The following SEZ6L variants were observed in gnomAD, a reference collection of about 807,000 sequenced individuals.
SEZ6L encodes seizure related 6 homolog like.
In SEZ6L, 37 loss-of-function variants were observed where a neutral mutation model predicts 106.2. That is an observed-to-expected ratio of 0.35 (90% CI 0.27 to 0.46). SEZ6L has a LOEUF of 0.46. SEZ6L is among the 20% of genes least tolerant of loss of function. SEZ6L has a pLI of 1.00. For synonymous variants in SEZ6L, 541 were observed against 570.4 expected, an observed-to-expected ratio of 0.95 and a Z score of 0.73; for missense variants, 1,172 against 1,332.8, an observed-to-expected ratio of 0.88 and a Z score of 1.88.
chr22:26,321,377 C>T (rs1007467766), intron 9 of SEZ6L, among the ~76,000 whole-genome samples: 7 of 152,208 alleles, frequency 4.6e-5, no homozygotes, highest in African/African-American at 1.2e-4. Flanking sequence ...GCGGTGAATG[C>T]GACTCAGCAG....
intron 1 of SEZ6L, chr22:26,253,962 T>G (rs2079710538): frequency 6.6e-6 from 1 of 152,204 alleles, no homozygotes; most frequent in African/African-American, 2.4e-5. Flanking sequence ...AATACTTAAT[T>G]AAATAACTCA....
chr22:26,301,598 G>A (rs932095557), intron 5 of SEZ6L, among the ~76,000 whole-genome samples: 1 of 152,220 alleles, frequency 6.6e-6, no homozygotes, highest in African/African-American at 2.4e-5. Flanking sequence ...TGCAGAAAAG[G>A]TATACAGGAA....
chr22:26,211,915 A>T (rs1009744770), intron 1 of SEZ6L, among the ~76,000 whole-genome samples: 4 of 152,024 alleles, frequency 2.6e-5, no homozygotes, highest in African/African-American at 9.7e-5. Context: ...GACAAAATTC[A>T]TGCCCACCCA....
At chr22:26,179,758 G>A (rs559779960) in intron 1 of SEZ6L, among the ~76,000 whole-genome samples, 2 of 152,242 alleles carry the variant, frequency 1.3e-5, no homozygotes, top group South Asian at 2.1e-4. Flanking sequence ...CCACGCATCT[G>A]TTCATTCTGG....
At chr22:26,183,577 T>A (rs567151653) in intron 1 of SEZ6L, among the ~76,000 whole-genome samples, 58 of 152,304 alleles carry the variant, frequency 3.8e-4, no homozygotes, top group African/African-American at 1.4e-3. Flanking sequence ...GTGAAATAAA[T>A]GTGTCACTTT....
At chr22:26,354,093 C>T (rs1186070819) in intron 12 of SEZ6L, among the ~76,000 whole-genome samples, 2 of 148,674 alleles carry the variant, frequency 1.3e-5, no homozygotes, top group Non-Finnish European at 3.0e-5. Context: ...TTGGACGTAG[C>T]GTCTTTGACA....
chr22:26,243,816 A>G (rs1393327263), intron 1 of SEZ6L, among the ~76,000 whole-genome samples: 1 of 152,154 alleles, frequency 6.6e-6, no homozygotes, highest in Non-Finnish European at 1.5e-5. Context: ...TTAAGCCCCC[A>G]GAGAAGAAAA....
intron 1 of SEZ6L, among the ~76,000 whole-genome samples, chr22:26,219,336 A>AC (rs1420180173): frequency 2.0e-5 from 3 of 151,904 alleles, no homozygotes; most frequent in Non-Finnish European, 2.9e-5. Flanking sequence ...ACAAAAATGA[A>AC]CAAGATTGGA....
At chr22:26,281,069 G>A (rs984479546) in intron 1 of SEZ6L, among the ~76,000 whole-genome samples, 4 of 152,134 alleles carry the variant, frequency 2.6e-5, no homozygotes, top group Admixed American at 2.6e-4. Context: ...AATCCCCAGG[G>A]TGACAGTATT....
At chr22:26,177,342 AC>A (rs2123768022) in intron 1 of SEZ6L, among the ~76,000 whole-genome samples, 1 of 152,370 alleles carries the variant, frequency 6.6e-6, no homozygotes, top group South Asian at 2.1e-4. Context: ...GGAGAGAAAT[AC>A]ACTTTGTAAA....
chr22:26,205,721 C>T (rs2145688119), intron 1 of SEZ6L, among the ~76,000 whole-genome samples: 1 of 152,274 alleles, frequency 6.6e-6, no homozygotes, highest in Admixed American at 6.5e-5. Flanking sequence ...ACTGCTCTAA[C>T]TAAATTTCTT....
chr22:26,263,425 A>G (rs2080081378), intron 1 of SEZ6L, among the ~76,000 whole-genome samples: 1 of 152,186 alleles, frequency 6.6e-6, no homozygotes, highest in Admixed American at 6.5e-5. Context: ...AGACATCAAG[A>G]CTCAGATAAG....
intron 1 of SEZ6L, among the ~76,000 whole-genome samples, chr22:26,246,495 C>T (rs1191078580): frequency 2.6e-5 from 4 of 151,904 alleles, no homozygotes; most frequent in African/African-American, 4.8e-5. Context: ...CTCTCATATT[C>T]GTCTCAGTGG....
At chr22:26,351,357 T>G (rs2083272353) in intron 12 of SEZ6L, 114 bp downstream of exon 12, 1 of 811,186 alleles carries the variant, frequency 1.2e-6, no homozygotes, top group South Asian at 1.8e-5. Context: ...ACAGGGGCTT[T>G]TATTATCATT....
chr22:26,204,178 A>G (rs1941157559), intron 1 of SEZ6L, among the ~76,000 whole-genome samples: 1 of 152,216 alleles, frequency 6.6e-6, no homozygotes, highest in African/African-American at 2.4e-5. Flanking sequence ...ATAGTTCTTG[A>G]GTATCTACAA....
chr22:26,310,884 C>T (rs1290767624), intron 7 of SEZ6L, 48 bp downstream of exon 7: 1 of 1,582,698 alleles, frequency 6.3e-7, no homozygotes, highest in East Asian at 2.2e-5. Context: ...CTGGGGGTAG[C>T]CTGGGAGCAG....
intron 1 of SEZ6L, among the ~76,000 whole-genome samples, chr22:26,270,450 G>A (rs2080326203): frequency 7.2e-6 from 1 of 139,766 alleles, no homozygotes; most frequent in African/African-American, 2.6e-5. Context: ...TGTTGGTGCT[G>A]ACAATTGTGA....
intron 12 of SEZ6L, among the ~76,000 whole-genome samples, chr22:26,358,004 G>A (rs2083493105): frequency 6.6e-6 from 1 of 152,186 alleles, no homozygotes; most frequent in South Asian, 2.1e-4. Context: ...CAGAACACCT[G>A]GGATACGAGA....
At chr22:26,228,491 T>C (rs748128005) in intron 1 of SEZ6L, among the ~76,000 whole-genome samples, 1 of 152,168 alleles carries the variant, frequency 6.6e-6, no homozygotes, top group Non-Finnish European at 1.5e-5. Context: ...TACACCAGCA[T>C]GGTGCTGGGC....
Sources: allele counts gnomAD v4.1 joint callset (sites outside exome capture counted in the v4.1 genomes callset), GRCh38; gene constraint gnomAD v4.1.1; transcripts MANE v1.5; gene names NCBI Gene and HGNC (gene_info 2026-07-23, HGNC 2026-07-21).